The following PIEZO2 variants were observed in gnomAD, a reference collection of about 807,000 sequenced individuals.
PIEZO2 encodes the protein piezo-type mechanosensitive ion channel component 2.
In PIEZO2, 172 loss-of-function variants were observed where a neutral mutation model predicts 337.3. The ratio of observed to expected loss-of-function variants is 0.51; its 90% CI spans 0.45 to 0.58. The LOEUF (loss-of-function observed/expected upper bound fraction) is 0.58. Ranked by LOEUF, PIEZO2 falls within the 20% of genes least tolerant of loss-of-function variation. PIEZO2 has a pLI of 0.00. For missense variants in PIEZO2, 3,028 were observed against 3,391.3 expected (o/e 0.89, Z 2.66); for synonymous variants, 1,251 against 1,228.5 (o/e 1.02, Z -0.38).
rs1210166387 is a variant in PIEZO2 at position 11,129,863 on chromosome 18, G to A, written c.64+18662C>T. 1.3e-5 allele frequency among the ~76,000 whole-genome samples: 2 copies of A among 152,154 alleles called. No individual in the cohort carries two copies. The highest frequency in any genetic ancestry group is 2.9e-5 in the Non-Finnish European group (2 of 68,028). ...TTATGGAGGTCAGGTAATTAATGGAGTTTTAGCTCAGGGCTGACTTACAGT... is the reference window on the plus strand; with the variant it reads ...TTATGGAGGTCAGGTAATTAATGGAATTTTAGCTCAGGGCTGACTTACAGT... On this transcript the variant is annotated intron_variant, in intron 1 of 55. Transcript: ENST00000674853. The surrounding 1 kb of genome is among the most constrained non-coding windows in gnomAD (Gnocchi z 4.6).
intron 2 of PIEZO2, among the ~76,000 whole-genome samples, chr18:11,017,576 C>T (rs766446920): frequency 8.6e-5 from 13 of 151,404 alleles, no homozygotes; most frequent in Non-Finnish European, 1.9e-4. Context: ...GGAAATCAAG[C>T]TATAAAATTT....
rs1252642899 is a variant in PIEZO2, at chr18:10,746,274, G to A, written c.4425-2043C>T. 6.6e-6 allele frequency among the ~76,000 whole-genome samples: 1 copy of A among 152,192 alleles called. No homozygotes were observed. Among genetic ancestry groups the A allele is most frequent in the East Asian group, 1.9e-4 (1 of 5,192 alleles). The stretch of plus-strand genomic sequence containing the variant: ...TGGGAGTATTTCTAAAGACATATCT[G>A]GGCTGATAGCCCCCTGAGGACCTGG... On this transcript the variant is annotated intron_variant, in intron 30 of 55. Coordinates refer to ENST00000674853, the MANE Select transcript of PIEZO2 (RefSeq NM_001378183.1). This position sits in a 1 kb window ranked among gnomAD's most constrained non-coding sequence, Gnocchi z 4.2.
At chr18:10,848,047 A>G (rs1467408467) in intron 7 of PIEZO2, among the ~76,000 whole-genome samples, 3 of 152,202 alleles carry the variant, frequency 2.0e-5, no homozygotes. Flanking sequence ...GTTTCTGTTT[A>G]TGAAACTTCA....
chr18:10,832,016 G>A (rs1426438444), intron 7 of PIEZO2, among the ~76,000 whole-genome samples: 1 of 152,118 alleles, frequency 6.6e-6, no homozygotes, highest in Non-Finnish European at 1.5e-5. Context: ...CAGAGTTGGA[G>A]GCCAGGTGCG....
At chr18:10,920,758 T>A (rs1029840290) in intron 3 of PIEZO2, among the ~76,000 whole-genome samples, 3 of 151,820 alleles carry the variant, frequency 2.0e-5, no homozygotes, top group African/African-American at 7.3e-5. Context: ...CAAAAGGAGG[T>A]GTAAGAATGT....
At chr18:10,733,605 C>T (rs1310263073) in intron 35 of PIEZO2, among the ~76,000 whole-genome samples, 2 of 152,076 alleles carry the variant, frequency 1.3e-5, no homozygotes, top group Non-Finnish European at 2.9e-5. Context: ...CCTGCCACCA[C>T]GCCCGGCTAA....
Position 11,106,520 on chromosome 18 carries a change from G to T in PIEZO2, c.65-40298C>A, listed in dbSNP as rs144037893. Among the ~76,000 whole-genome samples, 3 of 147,944 alleles carry T rather than the reference G, an allele frequency of 2.0e-5. No individual in the cohort carries two copies. In the Admixed American group the frequency reaches 2.1e-4, roughly 10 times the overall value. On this transcript the variant is annotated intron_variant, in intron 1 of 55. Coordinates refer to ENST00000674853, the MANE Select transcript of PIEZO2 (RefSeq NM_001378183.1). ...ACTCCTGGGCTCGGGTGATCCTCCC[G>T]CCTCAGCCTCCCAAGAATCTGGGAC...
chr18:10,880,515 T>C (rs2042382267), intron 4 of PIEZO2, among the ~76,000 whole-genome samples: 3 of 151,982 alleles, frequency 2.0e-5, no homozygotes. Context: ...GAGAGGACCA[T>C]CACAGTCATC....
rs12455143 is a variant in PIEZO2 at position 11,084,171 on chromosome 18, T to C, written c.65-17949A>G. Among the ~76,000 whole-genome samples, 226 of 111,692 alleles carry C rather than the reference T, an allele frequency of 2.0e-3. 2 individuals are homozygous for C. Among genetic ancestry groups the C allele is most frequent in the Middle Eastern group, 5.8e-3 (1 of 172 alleles). 73.3% of individuals were successfully genotyped at this position (111,692 alleles called of 152,430 possible). On this transcript the variant is annotated intron_variant, in intron 1 of 55. Transcript: ENST00000674853. ...CAGCCTGGGCAAAAGAGTGAAACTC[T>C]GTCTCAAAAAAAAAAAAAAAAAAAA...
intron 2 of PIEZO2, among the ~76,000 whole-genome samples, chr18:11,005,368 T>G (rs1485746886): frequency 6.6e-6 from 1 of 152,246 alleles, no homozygotes. Flanking sequence ...GCGTTTGTCT[T>G]TTATTTTTTT....
chr18:11,046,725 T>C (rs7244411), intron 2 of PIEZO2, among the ~76,000 whole-genome samples: 1,799 of 152,336 alleles, frequency 0.012, 51 homozygotes, highest in African/African-American at 0.041. Flanking sequence ...TTAGGAATTA[T>C]GTCGACCATT....
Position 10,789,173 on chromosome 18 carries a change from C to T in PIEZO2, c.2075G>A (p.Gly692Glu). ...GAAGCTGACGAAGAAGAACATGCCTCCGCAGACGTAGATCCAGTACTTGAT... is the reference window on the plus strand; with the variant it reads ...GAAGCTGACGAAGAAGAACATGCCTTCGCAGACGTAGATCCAGTACTTGAT... ...MFIKYWIYVCGGMFFFVSFEG... is the reference protein window; with the variant it reads ...MFIKYWIYVCEGMFFFVSFEG... Residue 692 changes from glycine (G) to glutamate (E), a missense_variant, in exon 15 of 56, where the codon GGA (glycine) becomes GAA (glutamate). Coordinates refer to ENST00000674853, the MANE Select transcript of PIEZO2 (RefSeq NM_001378183.1). 1.3e-6 allele frequency: 2 copies of T among 1,537,290 alleles called. No homozygotes were observed. The highest frequency in any genetic ancestry group is 1.2e-5 in the South Asian group (1 of 84,064).
At chr18:10,762,842 T>C in intron 22 of PIEZO2, 80 bp downstream of exon 22, 2 of 1,459,624 alleles carry the variant, frequency 1.4e-6, no homozygotes, top group Non-Finnish European at 1.8e-6. Flanking sequence ...CCAAATGTGC[T>C]TGGGGATGGG....
At chr18:10,798,826 G>C (rs2039701715) in intron 11 of PIEZO2, among the ~76,000 whole-genome samples, 1 of 152,202 alleles carries the variant, frequency 6.6e-6, no homozygotes, top group African/African-American at 2.4e-5. Flanking sequence ...GCTCTGAAGA[G>C]CACACTGGAA....
rs546642054 is a variant in PIEZO2, at chr18:10,762,991, G to A, written c.3054C>T (p.Ile1018=). Residue 1018 remains isoleucine, a synonymous_variant, in exon 22 of 56, where the codon ATC becomes ATT. Coordinates refer to ENST00000674853, the MANE Select transcript of PIEZO2 (RefSeq NM_001378183.1). The part of the protein sequence containing the change: ...SSVCTVWTCV[I]IVCKMLYQLQ... ...GCTGGTACAACATTTTGCAGACGAT[G>A]ATCACACACGTCCAGACTGTGCAGA... is the stretch of plus-strand genomic sequence containing the variant. The A allele has an allele frequency of 3.3e-6, 5 of 1,537,320 alleles. No homozygotes were observed. In the South Asian group the frequency reaches 3.6e-5, roughly 11 times the overall value.
rs906572364 is a variant in PIEZO2 at position 10,783,010 on chromosome 18, A to T, written c.2492+1774T>A. ...AAATGGTGAATTATATCTCTGTTTG[A>T]TTGCGTGACAGAAGACTCAGACACA... is the stretch of plus-strand genomic sequence containing the variant. On this transcript the variant is annotated intron_variant, in intron 17 of 55. Coordinates refer to ENST00000674853, the MANE Select transcript of PIEZO2 (RefSeq NM_001378183.1). The surrounding 1 kb of genome is among the most constrained non-coding windows in gnomAD (Gnocchi z 4.3). Among the ~76,000 whole-genome samples, 1 of 152,112 alleles carries T rather than the reference A, an allele frequency of 6.6e-6. No homozygotes were observed. Among genetic ancestry groups the T allele is most frequent in the African/African-American group, 2.4e-5 (1 of 41,414 alleles).
chr18:10,726,977 A>C lies in PIEZO2; in HGVS notation c.5029+4430T>G. On this transcript the variant is annotated intron_variant, in intron 36 of 55. Coordinates refer to ENST00000674853, the MANE Select transcript of PIEZO2 (RefSeq NM_001378183.1). This position sits in a 1 kb window ranked among gnomAD's most constrained non-coding sequence, Gnocchi z 5.9. ...GCTGCAGACAGAGGCCCTGGACAGA[A>C]GCTCCAGATAGGCCCCCAGAACATG... The C allele has an allele frequency of 8.4e-7, 1 of 1,192,036 alleles. No individual in the cohort carries two copies. The allele number at this position is 1,192,036 out of a possible 1,614,324, so 73.8% of individuals were successfully genotyped here.
rs747421933 is a variant in PIEZO2 at position 10,780,382 on chromosome 18, C to T, written c.2493-16G>A. 2.4e-5 allele frequency: 17 copies of T among 702,704 alleles called. No individual in the cohort carries two copies. Among genetic ancestry groups the T allele is most frequent in the African/African-American group, 1.7e-4 (10 of 57,196 alleles). 43.5% of individuals were successfully genotyped at this position (702,704 alleles called of 1,614,324 possible). A position where few individuals can be genotyped will look rare whatever the true frequency, so the allele number is the denominator to read the frequency against. ...TTTGGCATGGCTACGAGGTGGCAGA[C>T]GGAAGCACAGGGATGCAATGAGGAG... is the stretch of plus-strand genomic sequence containing the variant. On this transcript the variant is annotated splice_polypyrimidine_tract_variant and intron_variant, in intron 17 of 55. Transcript: ENST00000674853.
chr18:10,686,541 C>T (rs2034552360), intron 49 of PIEZO2, among the ~76,000 whole-genome samples: 1 of 152,202 alleles, frequency 6.6e-6, no homozygotes, highest in Non-Finnish European at 1.5e-5. Flanking sequence ...GCTCAACAAA[C>T]ATTTACTGTG....
Sources: allele counts gnomAD v4.1 joint callset (sites outside exome capture counted in the v4.1 genomes callset), GRCh38; gene constraint gnomAD v4.1.1; non-coding constraint Gnocchi (gnomAD v3.1); transcripts MANE v1.5; gene names NCBI Gene and HGNC (gene_info 2026-07-23, HGNC 2026-07-21).